FRMD4A: variants seen among roughly 807,000 people sequenced by gnomAD.
FRMD4A encodes FERM domain containing 4A.
A neutral mutation model predicts 129.1 loss-of-function variants in FRMD4A; 29 were observed. The ratio of observed to expected loss-of-function variants is 0.22; its 90% CI spans 0.17 to 0.31. The LOEUF (loss-of-function observed/expected upper bound fraction) is 0.31. Ranked by LOEUF, FRMD4A falls within the 10% of genes least tolerant of loss-of-function variation. The pLI is 1.00. For synonymous variants in FRMD4A, 634 were observed against 571.6 expected (o/e 1.11, Z -1.56); for missense variants, 1,272 against 1,375.8 (o/e 0.92, Z 1.19).
chr10:14,276,955 C>T (rs1211339409), intron 2 of FRMD4A, among the ~76,000 whole-genome samples: 1 of 152,180 alleles, frequency 6.6e-6, no homozygotes, highest in Non-Finnish European at 1.5e-5. Context: ...ACCTCTGCCT[C>T]CCGGGTTCAA....
rs11426622 is a variant in FRMD4A, at chr10:13,802,003, C to CAAAAAAAAAAA, written c.207-5426_207-5416dup. 4.6e-5 allele frequency among the ~76,000 whole-genome samples: 5 copies of CAAAAAAAAAAA among 109,510 alleles called. 2 individuals carry two copies. Among genetic ancestry groups the CAAAAAAAAAAA allele is most frequent in the Non-Finnish European group, 3.6e-5 (2 of 56,196 alleles). 71.8% of individuals were successfully genotyped at this position (109,510 alleles called of 152,430 possible). A position where few individuals can be genotyped will look rare whatever the true frequency, so the allele number is the denominator to read the frequency against. ...TTCATTGCCTTTGCCAATAATAATG[C>CAAAAAAAAAAA]AAAAAAAAAAAAAAAAAAAGCATCC... On this transcript the variant is annotated intron_variant, in intron 4 of 24. Coordinates refer to ENST00000357447, the MANE Select transcript of FRMD4A (RefSeq NM_018027.5).
chr10:14,130,100 C>T (rs1319278946), intron 2 of FRMD4A, among the ~76,000 whole-genome samples: 1 of 152,162 alleles, frequency 6.6e-6, no homozygotes, highest in African/African-American at 2.4e-5. Context: ...CCTCCTGAGT[C>T]CCTGGTGATG....
intron 2 of FRMD4A, among the ~76,000 whole-genome samples, chr10:13,884,651 C>G (rs2094597438): frequency 6.6e-6 from 1 of 152,170 alleles, no homozygotes; most frequent in Admixed American, 6.5e-5. Context: ...CCAGGACTCG[C>G]TGGAGACCCA....
At chr10:14,098,697 C>T (rs1477209089) in intron 2 of FRMD4A, among the ~76,000 whole-genome samples, 2 of 152,104 alleles carry the variant, frequency 1.3e-5, no homozygotes, top group Non-Finnish European at 2.9e-5. Context: ...TGTGAGCCAC[C>T]GCGCCCAGCC....
rs2081044357 is a variant in FRMD4A, at chr10:13,645,170, T to C, written c.*1868A>G. The C allele has an allele frequency of 6.6e-6, 1 of 152,124 alleles. No individual in the cohort carries two copies. The allele number at this position is 152,124 out of a possible 1,614,324, so 9.4% of individuals were successfully genotyped here. On this transcript the variant is annotated 3_prime_UTR_variant, in exon 25 of 25. Transcript: ENST00000357447. ...TTCATTTTAGTGTCCATCCTTACCC[T>C]TCTGGTCTGGTAGAGCCTATGGTTA...
intron 4 of FRMD4A, among the ~76,000 whole-genome samples, chr10:13,798,569 T>C (rs2093176188): frequency 6.6e-6 from 1 of 151,880 alleles, no homozygotes. Context: ...TACGAAAAAT[T>C]AGCCGGGCAT....
chr10:13,759,022 A>G (rs889578577), intron 8 of FRMD4A, among the ~76,000 whole-genome samples: 1 of 152,156 alleles, frequency 6.6e-6, no homozygotes, highest in African/African-American at 2.4e-5. Context: ...AGGCCACTCA[A>G]GTGTACTAGT....
chr10:14,266,521 G>C (rs992987320), intron 2 of FRMD4A, among the ~76,000 whole-genome samples: 1 of 148,302 alleles, frequency 6.7e-6, no homozygotes, highest in Non-Finnish European at 1.5e-5. Context: ...GTGTGTGTGT[G>C]TGTATGTGTG....
At chr10:13,826,291 G>C (rs766129190) in intron 3 of FRMD4A, among the ~76,000 whole-genome samples, 2 of 152,068 alleles carry the variant, frequency 1.3e-5, no homozygotes, top group Non-Finnish European at 2.9e-5. Flanking sequence ...CCTTCATCTC[G>C]GGAACCATGA....
At chr10:13,715,382 T>A (rs961129673) in intron 12 of FRMD4A, among the ~76,000 whole-genome samples, 9 of 152,222 alleles carry the variant, frequency 5.9e-5, no homozygotes, top group Admixed American at 1.3e-4. Context: ...GAGTTAAACA[T>A]TTCCTACCGA....
chr10:13,752,699 A>G, intron 8 of FRMD4A, among the ~76,000 whole-genome samples: 1 of 152,182 alleles, frequency 6.6e-6, no homozygotes, highest in East Asian at 1.9e-4. Context: ...TCCATATTTT[A>G]TGAGCAGAAT....
intron 2 of FRMD4A, among the ~76,000 whole-genome samples, chr10:14,105,979 A>G (rs1034056576): frequency 2.0e-5 from 3 of 152,190 alleles, no homozygotes; most frequent in African/African-American, 7.2e-5. Context: ...TGATATCATC[A>G]TCTGTTGATC....
chr10:13,901,844 G>A (rs1402397030), intron 2 of FRMD4A, among the ~76,000 whole-genome samples: 1 of 152,064 alleles, frequency 6.6e-6, no homozygotes, highest in Non-Finnish European at 1.5e-5. Flanking sequence ...GCAGGAAGCT[G>A]GCCCCCAGTG....
chr10:13,867,530 G>A (rs895848722), intron 2 of FRMD4A, among the ~76,000 whole-genome samples: 1 of 146,374 alleles, frequency 6.8e-6, no homozygotes, highest in Non-Finnish European at 1.5e-5. Context: ...CAAAGTTCTG[G>A]GATTACAGAT....
intron 2 of FRMD4A, among the ~76,000 whole-genome samples, chr10:13,925,060 T>C (rs986024135): frequency 3.6e-4 from 11 of 30,346 alleles, no homozygotes; most frequent in Non-Finnish European, 5.5e-4. Flanking sequence ...CGAGACTCCG[T>C]GTAAAAAAAA....
intron 2 of FRMD4A, among the ~76,000 whole-genome samples, chr10:14,310,382 C>A (rs552359591): frequency 6.6e-6 from 1 of 152,148 alleles, no homozygotes; most frequent in Non-Finnish European, 1.5e-5. Flanking sequence ...AAAGAGTCCT[C>A]GGCAGAATTT....
chr10:13,985,210 G>A (rs1332152695), intron 2 of FRMD4A, among the ~76,000 whole-genome samples: 8 of 152,250 alleles, frequency 5.3e-5, no homozygotes, highest in Non-Finnish European at 8.8e-5. Flanking sequence ...TCCGGCTCAC[G>A]TGTTTGGCCC....
intron 2 of FRMD4A, among the ~76,000 whole-genome samples, chr10:14,283,996 TCAAA>T (rs35770568): frequency 0.24 from 36,568 of 151,986 alleles, 5,212 homozygotes; most frequent in Middle Eastern, 0.32. Flanking sequence ...TTGCTCACGG[TCAAA>T]CAAATAGTTG....
chr10:13,715,767 G>T (rs183955342), intron 12 of FRMD4A, among the ~76,000 whole-genome samples: 1 of 152,112 alleles, frequency 6.6e-6, no homozygotes, highest in East Asian at 1.9e-4. Context: ...TTAGCAAGGC[G>T]TGGTGGCATG....
Sources: gnomAD v4.1 joint callset for allele counts (sites outside exome capture counted in the v4.1 genomes callset) on GRCh38, gnomAD v4.1.1 for gene constraint, MANE v1.5 for transcripts, NCBI Gene and HGNC (gene_info 2026-07-23, HGNC 2026-07-21) for gene names.